The following TANC1 variants were observed in gnomAD, a reference collection of about 807,000 sequenced individuals.
The protein encoded by TANC1 is protein TANC1.
A neutral mutation model predicts 149.7 loss-of-function variants in TANC1; 77 were observed. The observed-to-expected ratio is 0.51, with a 90% CI of 0.43 to 0.62. The LOEUF (loss-of-function observed/expected upper bound fraction) is 0.62. TANC1 is among the 20% of genes least tolerant of loss of function. TANC1 has a pLI of 0.00. For synonymous variants in TANC1, 854 were observed against 925.0 expected, an observed-to-expected ratio of 0.92 and a Z score of 1.39; for missense variants, 1,985 against 2,321.8, an observed-to-expected ratio of 0.85 and a Z score of 2.98.
Position 159,007,877 on chromosome 2 carries a change from C to T in TANC1, c.-16+6688C>T, listed in dbSNP as rs551180431. Among the ~76,000 whole-genome samples the T allele has an allele frequency of 6.6e-5, 10 of 152,226 alleles. No individual in the cohort carries two copies. In the East Asian group the frequency reaches 9.6e-4, roughly 15 times the overall value. On this transcript the variant is annotated intron_variant, in intron 2 of 26. Coordinates refer to ENST00000263635, the MANE Select transcript of TANC1 (RefSeq NM_033394.3). ...CCAAACAGACCAGGGTGGAGGTGGC[C>T]GAAAACTGTGACAGGGCAGGTGCAG...
intron 4 of TANC1, among the ~76,000 whole-genome samples, chr2:159,099,546 A>C (rs950084066): frequency 2.0e-5 from 3 of 151,962 alleles, no homozygotes; most frequent in Admixed American, 6.6e-5. Context: ...GCTTGGCTAC[A>C]CTGTAGTCAT....
intron 2 of TANC1, chr2:159,056,953 C>A: frequency 4.6e-6 from 1 of 218,956 alleles, no homozygotes; most frequent in Non-Finnish European, 9.8e-6. Context: ...CGCAAATATT[C>A]CACTAACCCA....
chr2:158,981,493 ATATATATATATATATATATAT>A lies in TANC1; in HGVS notation c.-126+12712_-126+12732del, dbSNP rs2034324022. On this transcript the variant is annotated intron_variant, in intron 1 of 26. Coordinates refer to ENST00000263635, the MANE Select transcript of TANC1 (RefSeq NM_033394.3). ...GTTTAGCAATTAATATATAGCTTTT[ATATATATATATATATATATAT>A]ATATATATATATATATATATATATA... Among the ~76,000 whole-genome samples, 185 of 48,560 alleles carry A rather than the reference ATATATATATATATATATATAT, an allele frequency of 3.8e-3. 6 individuals are homozygous for A. Among genetic ancestry groups the A allele is most frequent in the African/African-American group, 4.9e-3 (66 of 13,552 alleles). The allele number at this position is 48,560 out of a possible 152,430, so 31.9% of individuals were successfully genotyped here. A position where few individuals can be genotyped will look rare whatever the true frequency, so the allele number is the denominator to read the frequency against.
intron 2 of TANC1, among the ~76,000 whole-genome samples, chr2:159,016,675 T>C (rs2038310145): frequency 6.6e-6 from 1 of 151,516 alleles, no homozygotes; most frequent in South Asian, 2.1e-4. Context: ...CCCGGGTTCA[T>C]GCCATTTTCC....
chr2:159,206,582 T>G (rs2058622357), intron 19 of TANC1, among the ~76,000 whole-genome samples: 1 of 152,266 alleles, frequency 6.6e-6, no homozygotes, highest in Admixed American at 6.5e-5. Context: ...ATTTTTCTAG[T>G]GAGTGATTCC....
At chr2:159,013,256 G>T (rs989073463) in intron 2 of TANC1, among the ~76,000 whole-genome samples, 2 of 152,144 alleles carry the variant, frequency 1.3e-5, no homozygotes, top group Admixed American at 1.3e-4. Context: ...ATTATGTTTG[G>T]TGCACTAACC....
intron 2 of TANC1, among the ~76,000 whole-genome samples, chr2:159,048,679 A>C (rs1427897197): frequency 6.6e-6 from 1 of 152,230 alleles, no homozygotes; most frequent in Non-Finnish European, 1.5e-5. Context: ...TGTTTATAGC[A>C]CATATAGACC....
At chr2:159,090,434 C>T (rs1259101211) in intron 3 of TANC1, among the ~76,000 whole-genome samples, 1 of 152,180 alleles carries the variant, frequency 6.6e-6, no homozygotes, top group Non-Finnish European at 1.5e-5. Context: ...ACAGTAAAAT[C>T]ACTTGGTGAG....
chr2:159,184,022 C>T (rs1447527123), intron 14 of TANC1, among the ~76,000 whole-genome samples: 3 of 152,142 alleles, frequency 2.0e-5, no homozygotes, highest in African/African-American at 4.8e-5. Context: ...ACTCAAGCTC[C>T]GCAGGTTAAG....
intron 2 of TANC1, among the ~76,000 whole-genome samples, chr2:159,022,023 G>A (rs2038869300): frequency 1.3e-5 from 2 of 152,180 alleles, no homozygotes; most frequent in Admixed American, 1.3e-4. Flanking sequence ...GTCTTTTTCA[G>A]TGTTTCAGAA....
At chr2:159,186,608 A>T (rs1264317068) in intron 15 of TANC1, among the ~76,000 whole-genome samples, 1 of 152,162 alleles carries the variant, frequency 6.6e-6, no homozygotes, top group African/African-American at 2.4e-5. Flanking sequence ...GCACCACTGC[A>T]CTTCCAGCCT....
intron 4 of TANC1, among the ~76,000 whole-genome samples, chr2:159,124,210 T>C (rs979454301): frequency 4.6e-5 from 7 of 152,054 alleles, no homozygotes; most frequent in Non-Finnish European, 8.8e-5. Flanking sequence ...ATACAAAAAT[T>C]AGCCGGGTGT....
At chr2:159,156,767 T>A (rs964826328) in intron 7 of TANC1, among the ~76,000 whole-genome samples, 1 of 152,242 alleles carries the variant, frequency 6.6e-6, no homozygotes, top group African/African-American at 2.4e-5. Context: ...TATGTGAGGC[T>A]TTATCAAAAC....
intron 22 of TANC1, among the ~76,000 whole-genome samples, chr2:159,221,145 G>C (rs2059684428): frequency 6.6e-6 from 1 of 152,188 alleles, no homozygotes; most frequent in Non-Finnish European, 1.5e-5. Flanking sequence ...GAGGTCAGGA[G>C]TTCGAGATTA....
At chr2:159,115,091 A>G (rs2150048562) in intron 4 of TANC1, among the ~76,000 whole-genome samples, 1 of 152,314 alleles carries the variant, frequency 6.6e-6, no homozygotes, top group East Asian at 1.9e-4. Flanking sequence ...AGAGATGACA[A>G]CAGTGAAGAC....
intron 22 of TANC1, among the ~76,000 whole-genome samples, chr2:159,221,253 T>C (rs1472593618): frequency 6.6e-6 from 1 of 151,954 alleles, no homozygotes; most frequent in African/African-American, 2.4e-5. Flanking sequence ...TGGTGGCGGG[T>C]GCCTGTAATC....
chr2:159,142,835 G>A (rs112233678), intron 5 of TANC1, among the ~76,000 whole-genome samples: 1,651 of 151,682 alleles, frequency 0.011, 30 homozygotes, highest in African/African-American at 0.037. Context: ...AGGCCAAGGC[G>A]GGCGGATTGC....
In TANC1 at chr2:159,231,678, T is replaced by G. The variant is rs2060338115; in HGVS notation, c.*666T>G. ...GCACTTTTGGAACCTATATTTGTGC[T>G]TGAAGGTGTTTTTGATATTTGGAAA... On this transcript the variant is annotated 3_prime_UTR_variant, in exon 27 of 27. Coordinates refer to ENST00000263635, the MANE Select transcript of TANC1 (RefSeq NM_033394.3). 6.6e-6 allele frequency: 1 copy of G among 152,134 alleles called. No homozygotes were observed. Among genetic ancestry groups the G allele is most frequent in the African/African-American group, 2.4e-5 (1 of 41,422 alleles). 9.4% of individuals were successfully genotyped at this position (152,134 alleles called of 1,614,324 possible). A position where few individuals can be genotyped will look rare whatever the true frequency, so the allele number is the denominator to read the frequency against.
chr2:159,136,002 TTGTG>T (rs754052800), intron 4 of TANC1, among the ~76,000 whole-genome samples, 188 bp from the exon 5 acceptor site: 3,207 of 107,738 alleles, frequency 0.03, 49 homozygotes, highest in East Asian at 0.056. Context: ...TACTGAAATT[TTGTG>T]TGTGTGTGTG....
Sources: allele counts gnomAD v4.1 joint callset (sites outside exome capture counted in the v4.1 genomes callset), GRCh38; gene constraint gnomAD v4.1.1; transcripts MANE v1.5; gene names NCBI Gene and HGNC (gene_info 2026-07-23, HGNC 2026-07-21).